ZFP64: variants seen among roughly 807,000 people sequenced by gnomAD.
ZFP64 encodes the protein ZFP64 zinc finger protein.
In ZFP64, 14 loss-of-function variants were observed where a neutral mutation model predicts 51.6. The observed-to-expected ratio is 0.27, with a 90% CI of 0.18 to 0.42. The LOEUF (loss-of-function observed/expected upper bound fraction) is 0.42, where lower values mean the gene tolerates loss of function less well. Among genes scored for constraint, ZFP64 ranks in the 10% least tolerant of loss-of-function variants. The pLI is 1.00. For synonymous variants in ZFP64, 375 were observed against 361.4 expected, an observed-to-expected ratio of 1.04 and a Z score of -0.43; for missense variants, 754 against 906.8, an observed-to-expected ratio of 0.83 and a Z score of 2.16.
intron 5 of ZFP64, among the ~76,000 whole-genome samples, chr20:52,133,262 A>G (rs1034819836): frequency 6.6e-6 from 1 of 152,212 alleles, no homozygotes; most frequent in Non-Finnish European, 1.5e-5. Context: ...ACTAATAGGG[A>G]AAAACTGAAA....
At chr20:52,146,970 G>C (rs1278455772), downstream of ZFP64, among the ~76,000 whole-genome samples, 1 of 152,184 alleles carries the variant, frequency 6.6e-6, no homozygotes, top group Non-Finnish European at 1.5e-5. Context: ...CAAATTCACT[G>C]TGTCAACATA....
In ZFP64 at chr20:52,160,199, C is replaced by T. The variant is rs777704474; in HGVS notation, c.687G>A (p.Arg229=). The change falls in exon 5 of 6, where the codon CGG becomes CGA. Residue 229 remains arginine (R), a synonymous_variant. Transcript: ENST00000216923. The surrounding 1 kb of genome is among the most constrained non-coding windows in gnomAD (Gnocchi z 4.2). Reference sequence around the variant, plus strand: ...AGGGGCAGATCTGGCATTTGAAGGGCCGCTCGTCCGAGTGGATCCTCAGGT... The same window carrying T: ...AGGGGCAGATCTGGCATTTGAAGGGTCGCTCGTCCGAGTGGATCCTCAGGT... ...NKHLRIHSDE[R]PFKCQICPYA... 4.3e-6 allele frequency: 7 copies of T among 1,614,090 alleles called. No individual in the cohort carries two copies. The highest frequency in any genetic ancestry group is 5.9e-6 in the Non-Finnish European group (7 of 1,180,020).
At chr20:52,190,143 C>T (rs1243386143) in intron 1 of ZFP64, among the ~76,000 whole-genome samples, 3 of 152,158 alleles carry the variant, frequency 2.0e-5, no homozygotes, top group African/African-American at 7.2e-5. Flanking sequence ...TACACTTAAG[C>T]ACTTTGCAAT....
chr20:52,094,479 G>T (rs6091437), intron 7 of ZFP64, among the ~76,000 whole-genome samples: 1 of 152,016 alleles, frequency 6.6e-6, no homozygotes, highest in Non-Finnish European at 1.5e-5. Flanking sequence ...ATATAGGGCT[G>T]GGGGGGAAGG....
intron 5 of ZFP64, among the ~76,000 whole-genome samples, chr20:52,120,799 C>G (rs1979152527): frequency 6.6e-6 from 1 of 151,530 alleles, no homozygotes; most frequent in African/African-American, 2.4e-5. Flanking sequence ...GCCTCAGCCT[C>G]CCTAGTAGCT....
intron 5 of ZFP64, among the ~76,000 whole-genome samples, chr20:52,103,144 G>A (rs533536061): frequency 6.6e-6 from 1 of 152,252 alleles, no homozygotes; most frequent in Admixed American, 6.5e-5. Flanking sequence ...GGGGTGGGCC[G>A]CATTTGACTA....
At chr20:52,089,428 C>T (rs766740846) in intron 7 of ZFP64, among the ~76,000 whole-genome samples, 13 of 152,084 alleles carry the variant, frequency 8.5e-5, no homozygotes, top group Admixed American at 1.3e-4. Context: ...TGTCCACAAC[C>T]GCAGAATGTA....
downstream of ZFP64, among the ~76,000 whole-genome samples, chr20:52,148,827 A>G (rs751905484): frequency 4.6e-5 from 7 of 152,244 alleles, no homozygotes; most frequent in Admixed American, 6.5e-5. Context: ...ACGTTCTTAG[A>G]AAACACACGT....
intron 5 of ZFP64, among the ~76,000 whole-genome samples, chr20:52,140,945 T>C (rs1600744514): frequency 1.3e-5 from 2 of 152,140 alleles, no homozygotes; most frequent in African/African-American, 4.8e-5. Context: ...TCATTTACCA[T>C]TCCAAAAATC....
intron 5 of ZFP64, among the ~76,000 whole-genome samples, chr20:52,126,785 G>T (rs1327753638): frequency 6.6e-6 from 1 of 152,100 alleles, no homozygotes; most frequent in African/African-American, 2.4e-5. Context: ...CTCCTGTGAG[G>T]TGCTGAGTCT....
intron 2 of ZFP64, among the ~76,000 whole-genome samples, chr20:52,173,779 G>T (rs1982947566): frequency 6.6e-6 from 1 of 151,960 alleles, no homozygotes; most frequent in Admixed American, 6.6e-5. Context: ...CTCCTGAGTG[G>T]CTGGGACTAA....
At chr20:52,147,858 T>C (rs1980600445), downstream of ZFP64, among the ~76,000 whole-genome samples, 1 of 151,982 alleles carries the variant, frequency 6.6e-6, no homozygotes, top group South Asian at 2.1e-4. Flanking sequence ...CTACTAAAGA[T>C]ACACACAAAA....
intron 7 of ZFP64, among the ~76,000 whole-genome samples, chr20:52,094,694 C>T (rs2078966618): frequency 6.6e-6 from 1 of 152,152 alleles, no homozygotes; most frequent in African/African-American, 2.4e-5. Flanking sequence ...GATTGCACTA[C>T]TGCATTCCAG....
chr20:52,106,187 C>CG (rs1329801360), intron 5 of ZFP64, among the ~76,000 whole-genome samples: 2 of 152,272 alleles, frequency 1.3e-5, no homozygotes, highest in South Asian at 2.1e-4. Flanking sequence ...GCGTGGTCCT[C>CG]GGGGGGTTGA....
At chr20:52,124,405 T>C (rs929421137) in intron 5 of ZFP64, among the ~76,000 whole-genome samples, 3 of 152,138 alleles carry the variant, frequency 2.0e-5, no homozygotes, top group Non-Finnish European at 4.4e-5. Flanking sequence ...GCATATCACA[T>C]TGAAATCTTT....
At chr20:52,134,810 C>A (rs1051710384) in intron 5 of ZFP64, among the ~76,000 whole-genome samples, 1 of 152,122 alleles carries the variant, frequency 6.6e-6, no homozygotes, top group Non-Finnish European at 1.5e-5. Flanking sequence ...AACTTACGGA[C>A]CACTTTTTTT....
chr20:52,131,238 G>A (rs995323058), intron 5 of ZFP64, among the ~76,000 whole-genome samples: 5 of 146,994 alleles, frequency 3.4e-5, no homozygotes, highest in East Asian at 4.0e-4. Context: ...AAGGAAGGAC[G>A]GGAAGGAAGG....
At chr20:52,179,471 A>G (rs1376206671) in intron 2 of ZFP64, among the ~76,000 whole-genome samples, 3 of 152,228 alleles carry the variant, frequency 2.0e-5, no homozygotes, top group African/African-American at 7.2e-5. Flanking sequence ...TGTTTTATTG[A>G]GTGCCTATGA....
intron 2 of ZFP64, among the ~76,000 whole-genome samples, chr20:52,182,195 C>T (rs1008252073): frequency 2.0e-5 from 3 of 152,150 alleles, no homozygotes; most frequent in Admixed American, 1.3e-4. Context: ...AAATGATTTG[C>T]TCACAGCCTA....
Sources: gnomAD v4.1 joint callset for allele counts (sites outside exome capture counted in the v4.1 genomes callset) on GRCh38, gnomAD v4.1.1 for gene constraint, Gnocchi (gnomAD v3.1) non-coding constraint, MANE v1.5 for transcripts, NCBI Gene and HGNC (gene_info 2026-07-23, HGNC 2026-07-21) for gene names.